CPD: variants seen among roughly 807,000 people sequenced by gnomAD.
The protein encoded by CPD is carboxypeptidase D.
A neutral mutation model predicts 138.3 loss-of-function variants in CPD; 69 were observed. That is an observed-to-expected ratio of 0.50 (90% CI 0.41 to 0.61). The LOEUF (loss-of-function observed/expected upper bound fraction) is 0.61. Ranked by LOEUF, CPD falls within the 20% of genes least tolerant of loss-of-function variation. The pLI is 0.00. For missense variants in CPD, 1,432 were observed against 1,733.3 expected (o/e 0.83, Z 3.09); for synonymous variants, 651 against 642.1 (o/e 1.01, Z -0.21).
chr17:30,410,451 G>A (rs1232885759), intron 2 of CPD, among the ~76,000 whole-genome samples: 1 of 152,172 alleles, frequency 6.6e-6, no homozygotes, highest in African/African-American at 2.4e-5. Context: ...AATGTTGATA[G>A]TGGGGTGTTA....
At chr17:30,446,913 C>T (rs1295183724) in intron 12 of CPD, among the ~76,000 whole-genome samples, 1 of 152,226 alleles carries the variant, frequency 6.6e-6, no homozygotes, top group Non-Finnish European at 1.5e-5. Context: ...GATTTGCATT[C>T]TCTGATGGCC....
Position 30,456,804 on chromosome 17 carries a change from A to G in CPD, c.3498+278A>G. On this transcript the variant is annotated intron_variant, in intron 17 of 20. Coordinates refer to ENST00000225719, the MANE Select transcript of CPD (RefSeq NM_001304.5). ...TTGCAGTGAGTCGAGCCGAGATCGC[A>G]CTACTGCACTCCAGCCTGGGCAACA... is the stretch of plus-strand genomic sequence containing the variant. 6 of 232,470 alleles carry G rather than the reference A, an allele frequency of 2.6e-5. No homozygotes were observed. The South Asian group carries it at 4.1e-4, about 16-fold the overall frequency. The allele number at this position is 232,470 out of a possible 1,614,324, so 14.4% of individuals were successfully genotyped here.
In CPD at chr17:30,379,883, A is replaced by G. The variant is rs1181143267; in HGVS notation, c.746+157A>G. 6.6e-6 allele frequency among the ~76,000 whole-genome samples: 1 copy of G among 152,202 alleles called. No homozygotes were observed. The highest frequency in any genetic ancestry group is 6.5e-5 in the Admixed American group (1 of 15,288). On this transcript the variant is annotated intron_variant, in intron 1 of 20. Coordinates refer to ENST00000225719, the MANE Select transcript of CPD (RefSeq NM_001304.5). This position sits in a 1 kb window ranked among gnomAD's most constrained non-coding sequence, Gnocchi z 7.0. ...AACGGGGACAGGGCCCAGGCCGCGT[A>G]GCCTCCCGTCCTGCTAATCATCAAA...
intron 8 of CPD, among the ~76,000 whole-genome samples, chr17:30,434,481 A>G (rs1400888006): frequency 6.6e-6 from 1 of 152,156 alleles, no homozygotes; most frequent in African/African-American, 2.4e-5. Context: ...ACTAAATCCA[A>G]AAATACTAAA....
Position 30,439,073 on chromosome 17 carries a change from G to A in CPD, c.2226G>A (p.Val742=). The change falls in exon 9 of 21, where the codon GTG becomes GTA. Residue 742 remains valine (V), a synonymous_variant. Transcript: ENST00000225719. ...CAAATGGAGCTAGTTGGTATAATGTGCCAGGTAAAGATTCTTTTATATCAA... is the reference window on the plus strand; with the variant it reads ...CAAATGGAGCTAGTTGGTATAATGTACCAGGTAAAGATTCTTTTATATCAA... ...GITNGASWYN[V]PGGMQDWNYL... is the part of the protein sequence containing the mutation. 6.4e-7 allele frequency: 1 copy of A among 1,569,350 alleles called. No individual in the cohort carries two copies. Among genetic ancestry groups the A allele is most frequent in the Non-Finnish European group, 8.6e-7 (1 of 1,158,080 alleles).
intron 1 of CPD, chr17:30,380,682 C>G (rs1183738716): frequency 1.5e-5 from 21 of 1,380,334 alleles, no homozygotes; most frequent in Non-Finnish European, 2.0e-5. Context: ...AGGAATTGTT[C>G]CCACTGGCAA....
chr17:30,425,116 C>T (rs1453527425), intron 6 of CPD, among the ~76,000 whole-genome samples: 2 of 118,862 alleles, frequency 1.7e-5, no homozygotes, highest in Non-Finnish European at 3.7e-5. Context: ...CTCCAGTTTT[C>T]TTTAGTCTCT....
chr17:30,451,741 C>G lies in CPD; in HGVS notation c.3100C>G (p.Pro1034Ala). The change falls in exon 14 of 21, where the codon CCT (proline) becomes GCT (alanine). Residue 1034 changes from proline to alanine, a missense_variant. Physicochemically the swap from Pro to Ala is conservative, Grantham distance 27 (BLOSUM62 -1). Around this residue, in one of 6 missense-constraint regions of CPD, gnomAD observed 366 missense variants for 518.8 expected, o/e 0.71. Transcript: ENST00000225719. The part of the protein sequence containing the change: ...LVDRTRIVIV[P>A]SLNPDGRERA... ...TGACAGGACTAGGATTGTGATTGTC[C>G]CTTCTCTAAATCCAGATGGGCGAGA... 6.2e-7 allele frequency: 1 copy of G among 1,613,742 alleles called. No homozygotes were observed. The highest frequency in any genetic ancestry group is 8.5e-7 in the Non-Finnish European group (1 of 1,179,824).
At position 30,431,899 on chromosome 17, in the gene CPD, T is replaced by A; in HGVS notation, c.2127+18T>A. ...ATTCCAAGGTAGGCTTGTCTTTGAA[T>A]ATAAAATGTTACAAAATTAATTCTT... On this transcript the variant is annotated intron_variant, in intron 8 of 20. Coordinates refer to ENST00000225719, the MANE Select transcript of CPD (RefSeq NM_001304.5). The A allele has an allele frequency of 6.8e-7, 1 of 1,465,070 alleles. No individual in the cohort carries two copies. Among genetic ancestry groups the A allele is most frequent in the Non-Finnish European group, 9.5e-7 (1 of 1,058,116 alleles). The allele number at this position is 1,465,070 out of a possible 1,614,324, so 90.8% of individuals were successfully genotyped here.
At chr17:30,450,599 C>CT (rs1913143638) in intron 13 of CPD, among the ~76,000 whole-genome samples, 1 of 152,132 alleles carries the variant, frequency 6.6e-6, no homozygotes, top group Admixed American at 6.5e-5. Flanking sequence ...TGGCTCATGC[C>CT]TGTAATCACA....
Position 30,379,152 on chromosome 17 carries a change from T to C in CPD, c.172T>C (p.Tyr58His). ...GGCGGCCGAGGGCCAGTTCGACCGC[T>C]ACTACCACGAAGAGGAGTTGGAGTC... ...AEAAEGQFDR[Y>H]YHEEELESAL... The change falls in exon 1 of 21, where the codon TAC (tyrosine) becomes CAC (histidine). Residue 58 changes from tyrosine to histidine, a missense_variant. Physicochemically the swap from Tyr to His is moderately conservative, Grantham distance 83. This residue lies in a region of CPD where 484 missense variants were observed against 477.2 expected (regional missense o/e 1.01). Coordinates refer to ENST00000225719, the MANE Select transcript of CPD (RefSeq NM_001304.5). The surrounding 1 kb of genome is among the most constrained non-coding windows in gnomAD (Gnocchi z 7.0). 6.5e-7 allele frequency: 1 copy of C among 1,536,264 alleles called. No individual in the cohort carries two copies. Among genetic ancestry groups the C allele is most frequent in the Non-Finnish European group, 8.7e-7 (1 of 1,144,782 alleles).
chr17:30,449,715 C>T lies in CPD; in HGVS notation c.3036C>T (p.Cys1012=). 1 of 1,578,206 alleles carries T rather than the reference C, an allele frequency of 6.3e-7. No homozygotes were observed. Among genetic ancestry groups the T allele is most frequent in the African/African-American group, 1.4e-5 (1 of 72,434 alleles). Residue 1012 remains cysteine, a synonymous_variant, in exon 13 of 21, where the codon TGC becomes TGT. Transcript: ENST00000225719. ...ELLLALAEFL[C]LNYKKNPAVT... is the part of the protein sequence containing the mutation. ...TTTTGGCTCTGGCAGAATTTCTCTGCCTGAACTACAAAAAGAACCCAGCTG... is the reference window on the plus strand; with the variant it reads ...TTTTGGCTCTGGCAGAATTTCTCTGTCTGAACTACAAAAAGAACCCAGCTG...
At chr17:30,433,921 C>G (rs9913237) in intron 8 of CPD, among the ~76,000 whole-genome samples, 78,963 of 152,014 alleles carry the variant, frequency 0.52, 21,206 homozygotes, top group East Asian at 0.83. Context: ...TCTGCCTCCT[C>G]GAATCTTGTG....
chr17:30,418,982 T>C (rs1041746177), intron 2 of CPD, among the ~76,000 whole-genome samples: 1 of 152,240 alleles, frequency 6.6e-6, no homozygotes, highest in Non-Finnish European at 1.5e-5. Flanking sequence ...CCTAACTTTT[T>C]TGTCTTACCA....
chr17:30,379,467 G>A lies in CPD; in HGVS notation c.487G>A (p.Gly163Arg), dbSNP rs745473994. 1.3e-6 allele frequency: 2 copies of A among 1,572,970 alleles called. No homozygotes were observed. Among genetic ancestry groups the A allele is most frequent in the East Asian group, 2.5e-5 (1 of 40,490 alleles). Reference sequence around the variant, plus strand: ...CGAGCTGGCGGCCGGCTACCGCCGCGGGGACCCGCGCCTGGTCCGCCTGCT... The same window carrying A: ...CGAGCTGGCGGCCGGCTACCGCCGCAGGGACCCGCGCCTGGTCCGCCTGCT... ...ARELAAGYRR[G>R]DPRLVRLLNT... Residue 163 changes from glycine (G) to arginine (R), a missense_variant, in exon 1 of 21, where the codon GGG (glycine) becomes AGG (arginine). Gly to Arg is a moderately radical substitution (Grantham distance 125). This residue lies in a region of CPD where 484 missense variants were observed against 477.2 expected (regional missense o/e 1.01). Coordinates refer to ENST00000225719, the MANE Select transcript of CPD (RefSeq NM_001304.5). This position sits in a 1 kb window ranked among gnomAD's most constrained non-coding sequence, Gnocchi z 7.0.
At chr17:30,405,553 AT>A (rs774757443) in intron 2 of CPD, among the ~76,000 whole-genome samples, 19 of 152,010 alleles carry the variant, frequency 1.2e-4, no homozygotes, top group African/African-American at 1.9e-4. Flanking sequence ...AGAGTTACTA[AT>A]TTTTTCCCCC....
chr17:30,446,531 T>C (rs1454020311), intron 12 of CPD, among the ~76,000 whole-genome samples: 45 of 152,248 alleles, frequency 3.0e-4, no homozygotes, highest in Non-Finnish European at 4.4e-5. Flanking sequence ...TTGCATAGTA[T>C]TCCATGGTGT....
intron 2 of CPD, 122 bp from the exon 3 acceptor site, chr17:30,420,715 TCAAA>T: frequency 1.2e-6 from 1 of 807,098 alleles, no homozygotes; most frequent in South Asian, 2.2e-5. Context: ...TTCTCCAATT[TCAAA>T]CAATTTAATG....
chr17:30,429,271 A>C (rs1446615294), intron 7 of CPD, among the ~76,000 whole-genome samples: 2 of 152,220 alleles, frequency 1.3e-5, no homozygotes, highest in African/African-American at 4.8e-5. Context: ...AAATAGTCTC[A>C]TAATAAATCA....
Sources: gnomAD v4.1 joint callset for allele counts (sites outside exome capture counted in the v4.1 genomes callset) on GRCh38, gnomAD v4.1.1 for gene constraint, gnomAD v4.1.1 regional missense constraint, Gnocchi (gnomAD v3.1) non-coding constraint, MANE v1.5 for transcripts, NCBI Gene and HGNC (gene_info 2026-07-23, HGNC 2026-07-21) for gene names.